ENOX2: variants seen among roughly 807,000 people sequenced by gnomAD.
ENOX2 encodes APK1 antigen.
A neutral mutation model predicts 45.0 loss-of-function variants in ENOX2; 36 were observed. That is an observed-to-expected ratio of 0.80 (90% CI 0.61 to 1.06). The LOEUF is 1.06. Among genes scored for constraint, ENOX2 ranks in the 50% least tolerant of loss-of-function variants. ENOX2 has a pLI of 0.00. For missense variants in ENOX2, 423 were observed against 462.5 expected, an observed-to-expected ratio of 0.91 and a Z score of 0.78; for synonymous variants, 174 against 152.3, an observed-to-expected ratio of 1.14 and a Z score of -1.05.
chrX:130,737,827 A>G (rs770479136), intron 3 of ENOX2, among the ~76,000 whole-genome samples: 2 of 111,976 alleles, frequency 1.8e-5, no homozygotes, highest in South Asian at 7.6e-4. Context: ...AAGGGGGACA[A>G]AAGAAAGGGA....
intron 2 of ENOX2, among the ~76,000 whole-genome samples, chrX:130,788,261 T>C (rs146865261): frequency 1.6e-3 from 179 of 112,434 alleles, no homozygotes; most frequent in African/African-American, 5.7e-3. Flanking sequence ...AATTACCATA[T>C]TGTAATCCTC....
At position 130,898,677 on chromosome X, in the gene ENOX2, T is replaced by C. The variant is rs1035067749; in HGVS notation, c.-183+3007A>G. 2.7e-5 allele frequency among the ~76,000 whole-genome samples: 3 copies of C among 111,057 alleles called. No homozygotes were observed. In the Admixed American group the frequency reaches 2.9e-4, roughly 11 times the overall value. On this transcript the variant is annotated intron_variant, in intron 2 of 14. Transcript: ENST00000394363. Reference sequence around the variant, plus strand: ...TACTTAGTAATCCATTCTATAAATGTACCACAATTGATTTCATTCAAATCC... The same window carrying C: ...TACTTAGTAATCCATTCTATAAATGCACCACAATTGATTTCATTCAAATCC...
At position 130,638,431 on chromosome X, in the gene ENOX2, A is replaced by AACACACAC. The variant is rs34648095; in HGVS notation, c.1130-1029_1130-1022dup. On this transcript the variant is annotated intron_variant, in intron 10 of 14. Transcript: ENST00000394363. ...AAATAACTGTTAAACAACAATTTGA[A>AACACACAC]ACACACACACACACACACACACACA... 3.8e-3 allele frequency among the ~76,000 whole-genome samples: 349 copies of AACACACAC among 92,769 alleles called. 4 individuals carry two copies. The highest frequency in any genetic ancestry group is 0.013 in the African/African-American group (317 of 25,279). 80.6% of individuals were successfully genotyped at this position (92,769 alleles called of 115,157 possible). A position where few individuals can be genotyped will look rare whatever the true frequency, so the allele number is the denominator to read the frequency against.
intron 2 of ENOX2, among the ~76,000 whole-genome samples, chrX:130,795,021 A>G (rs1000391957): frequency 8.9e-6 from 1 of 112,060 alleles, no homozygotes; most frequent in African/African-American, 3.2e-5. Flanking sequence ...TAATTTTGCT[A>G]TACTGCGTCA....
chrX:130,831,318 G>A (rs767536180), intron 2 of ENOX2, among the ~76,000 whole-genome samples: 4 of 111,539 alleles, frequency 3.6e-5, no homozygotes, highest in Non-Finnish European at 7.5e-5. Context: ...TTCAAACCAC[G>A]GTTGCAGTCA....
At chrX:130,806,865 A>C (rs1237769460) in intron 2 of ENOX2, among the ~76,000 whole-genome samples, 1 of 112,556 alleles carries the variant, frequency 8.9e-6, no homozygotes, top group Non-Finnish European at 1.9e-5. Flanking sequence ...CTTTCTTAAA[A>C]AATGAGAAAA....
intron 2 of ENOX2, among the ~76,000 whole-genome samples, chrX:130,847,885 A>C (rs2078138068): frequency 8.9e-6 from 1 of 112,222 alleles, no homozygotes; most frequent in Non-Finnish European, 1.9e-5. Flanking sequence ...AACTTCAGAC[A>C]AGTTTTAGTT....
chrX:130,681,836 C>T (rs1265256308), intron 5 of ENOX2, among the ~76,000 whole-genome samples: 1 of 111,575 alleles, frequency 9.0e-6, no homozygotes, highest in African/African-American at 3.3e-5. Flanking sequence ...CAATCTGGGA[C>T]TTTCTAAAGT....
At chrX:130,797,274 G>C (rs2077146554) in intron 2 of ENOX2, among the ~76,000 whole-genome samples, 1 of 111,528 alleles carries the variant, frequency 9.0e-6, no homozygotes, top group East Asian at 2.8e-4. Flanking sequence ...GACTGTAAAA[G>C]CATAGTAACT....
intron 6 of ENOX2, 47 bp downstream of exon 6, chrX:130,679,495 A>G: frequency 9.7e-7 from 1 of 1,033,224 alleles, no homozygotes; most frequent in Non-Finnish European, 1.4e-6. Context: ...TATCTTTAAT[A>G]TCTGCGTTGT....
chrX:130,772,343 C>T (rs1233781231), intron 3 of ENOX2, among the ~76,000 whole-genome samples: 1 of 111,591 alleles, frequency 9.0e-6, no homozygotes, highest in Non-Finnish European at 1.9e-5. Context: ...ATTTAGGATG[C>T]ATTAGTCAAT....
intron 4 of ENOX2, 93 bp downstream of exon 4, chrX:130,703,026 TG>T (rs1211188634): frequency 6.5e-6 from 6 of 930,217 alleles, no homozygotes; most frequent in Non-Finnish European, 8.9e-6. Flanking sequence ...ATCTGGTAAA[TG>T]TCAACTTCAA....
chrX:130,718,544 T>C (rs1375559629), intron 3 of ENOX2, among the ~76,000 whole-genome samples: 1 of 112,233 alleles, frequency 8.9e-6, no homozygotes, highest in East Asian at 2.8e-4. Context: ...AAAAGTATTT[T>C]GAAAGCTATA....
chrX:130,837,366 C>T (rs1412874235), intron 2 of ENOX2, among the ~76,000 whole-genome samples: 1 of 111,795 alleles, frequency 8.9e-6, no homozygotes, highest in African/African-American at 3.3e-5. Flanking sequence ...CCAACTAAGT[C>T]CACAAATGGA....
chrX:130,863,129 A>G (rs997424723), intron 2 of ENOX2, among the ~76,000 whole-genome samples: 2 of 112,238 alleles, frequency 1.8e-5, no homozygotes, highest in Non-Finnish European at 3.8e-5. Context: ...AATGAAGTTT[A>G]GGGATGATCT....
intron 4 of ENOX2, among the ~76,000 whole-genome samples, chrX:130,689,546 T>C (rs1415026485): frequency 8.9e-6 from 1 of 111,880 alleles, no homozygotes; most frequent in Non-Finnish European, 1.9e-5. Context: ...AAATGATGAA[T>C]CTAATATGCT....
intron 3 of ENOX2, among the ~76,000 whole-genome samples, chrX:130,771,460 G>A (rs1239993137): frequency 1.8e-5 from 2 of 111,284 alleles, no homozygotes; most frequent in Non-Finnish European, 3.8e-5. Context: ...ATAGATAAGT[G>A]GGCCAGATGA....
chrX:130,707,202 C>G (rs2038059771), intron 3 of ENOX2, among the ~76,000 whole-genome samples: 1 of 111,530 alleles, frequency 9.0e-6, no homozygotes, highest in Admixed American at 9.5e-5. Flanking sequence ...AAATACCTAC[C>G]CCAAGTCTGA....
chrX:130,848,706 G>C (rs1038102752), intron 2 of ENOX2, among the ~76,000 whole-genome samples: 1 of 111,572 alleles, frequency 9.0e-6, no homozygotes, highest in African/African-American at 3.3e-5. Flanking sequence ...CCTAGAAGAT[G>C]TGTCTGCAAG....
Sources: gnomAD v4.1 joint callset for allele counts (sites outside exome capture counted in the v4.1 genomes callset) on GRCh38, gnomAD v4.1.1 for gene constraint, MANE v1.5 for transcripts, NCBI Gene and HGNC (gene_info 2026-07-23, HGNC 2026-07-21) for gene names.